Variants in SLC39A11 observed in about 807,000 individuals in gnomAD.
The protein encoded by SLC39A11 is solute carrier family 39 member 11, also known as zinc transporter ZIP11.
SLC39A11 carries 33 observed loss-of-function variants against 36.1 expected under a neutral mutation model. The observed-to-expected ratio is 0.91, with a 90% CI of 0.69 to 1.22. The LOEUF (loss-of-function observed/expected upper bound fraction) is 1.22. Among genes scored for constraint, SLC39A11 ranks in the 50% most tolerant of loss-of-function variants. The probability of loss-of-function intolerance (pLI) is 0.00; values close to 1 mark genes in which losing one functional copy is unlikely to be tolerated. For synonymous variants in SLC39A11, 166 were observed against 170.3 expected (o/e 0.97, Z 0.20); for missense variants, 432 against 430.3 (o/e 1.00, Z -0.03).
chr17:72,782,712 A>AAAC (rs2076362567), intron 6 of SLC39A11, among the ~76,000 whole-genome samples: 1 of 126,362 alleles, frequency 7.9e-6, no homozygotes, highest in Non-Finnish European at 1.7e-5. Context: ...AAAAAAAAAA[A>AAAC]AAAGCAGGCC....
chr17:72,825,534 A>G (rs752435539), intron 6 of SLC39A11, among the ~76,000 whole-genome samples: 1 of 152,206 alleles, frequency 6.6e-6, no homozygotes, highest in Non-Finnish European at 1.5e-5. Context: ...AGCTGTGAGA[A>G]GAGGTCACTG....
At chr17:72,689,166 G>A (rs1194611225) in intron 7 of SLC39A11, among the ~76,000 whole-genome samples, 4 of 152,180 alleles carry the variant, frequency 2.6e-5, no homozygotes, top group Admixed American at 1.3e-4. Context: ...TGGCTGGCCC[G>A]ATGCTCGACT....
rs1351830148 is a variant in SLC39A11, at chr17:72,646,059, T to C, written c.*1525A>G. ...CATACAAAGACATAAAAATAAAACA[T>C]ACATACACCAACCACCACACCAGTT... On this transcript the variant is annotated 3_prime_UTR_variant, in exon 10 of 10. Coordinates refer to ENST00000255559, the MANE Select transcript of SLC39A11 (RefSeq NM_139177.4). 2.0e-5 allele frequency: 3 copies of C among 152,642 alleles called. No homozygotes were observed. Among genetic ancestry groups the C allele is most frequent in the Non-Finnish European group, 4.4e-5 (3 of 68,046 alleles). 9.5% of individuals were successfully genotyped at this position (152,642 alleles called of 1,614,324 possible).
At chr17:72,838,259 T>A (rs2078657233) in intron 6 of SLC39A11, 2 of 355,642 alleles carry the variant, frequency 5.6e-6, no homozygotes, top group Admixed American at 4.7e-5. Flanking sequence ...GACAAGGTCT[T>A]GCTCTGTCAC....
At chr17:72,886,989 A>G (rs184428108) in intron 5 of SLC39A11, among the ~76,000 whole-genome samples, 1 of 152,298 alleles carries the variant, frequency 6.6e-6, no homozygotes. Flanking sequence ...TGCCTGATCT[A>G]AAATAACAGC....
intron 4 of SLC39A11, among the ~76,000 whole-genome samples, chr17:72,997,511 C>A (rs1273107892): frequency 1.3e-5 from 2 of 152,166 alleles, no homozygotes; most frequent in Non-Finnish European, 2.9e-5. Flanking sequence ...CCTCGGCCTC[C>A]CAAAGTGCTG....
At chr17:72,886,629 A>G (rs1229608927) in intron 5 of SLC39A11, among the ~76,000 whole-genome samples, 1 of 152,126 alleles carries the variant, frequency 6.6e-6, no homozygotes. Flanking sequence ...CCACCCAAAC[A>G]ATACTTTAGA....
At chr17:72,968,780 A>C (rs1265147581) in intron 4 of SLC39A11, among the ~76,000 whole-genome samples, 4 of 152,240 alleles carry the variant, frequency 2.6e-5, no homozygotes, top group Admixed American at 2.0e-4. Context: ...TTCTCGGCCA[A>C]GGAAGGTTCT....
At chr17:72,980,244 C>T (rs1188574529) in intron 4 of SLC39A11, among the ~76,000 whole-genome samples, 2 of 152,102 alleles carry the variant, frequency 1.3e-5, no homozygotes, top group African/African-American at 4.8e-5. Flanking sequence ...AATAGCTTTT[C>T]TATGCAAAAA....
At chr17:72,861,776 A>T (rs1365981626) in intron 5 of SLC39A11, among the ~76,000 whole-genome samples, 1 of 96,574 alleles carries the variant, frequency 1.0e-5, no homozygotes, top group Non-Finnish European at 2.0e-5. Flanking sequence ...ATATATATAT[A>T]TATATATCCA....
intron 5 of SLC39A11, among the ~76,000 whole-genome samples, chr17:72,882,451 T>C (rs1457871445): frequency 6.6e-6 from 1 of 151,534 alleles, no homozygotes; most frequent in African/African-American, 2.4e-5. Context: ...AGAGAAATGC[T>C]CAGAAAATCC....
chr17:72,867,040 AC>A (rs2080337904), intron 5 of SLC39A11, among the ~76,000 whole-genome samples: 1 of 152,228 alleles, frequency 6.6e-6, no homozygotes, highest in Non-Finnish European at 1.5e-5. Context: ...AAAAACAATA[AC>A]AATACTAGCA....
At chr17:72,745,864 G>A (rs1409723959) in intron 6 of SLC39A11, among the ~76,000 whole-genome samples, 2 of 152,142 alleles carry the variant, frequency 1.3e-5, no homozygotes, top group South Asian at 2.1e-4. Context: ...AAGACCCTGT[G>A]GAGGATTAAT....
chr17:73,081,854 A>G (rs1430921779), intron 3 of SLC39A11, among the ~76,000 whole-genome samples: 2 of 151,432 alleles, frequency 1.3e-5, no homozygotes, highest in African/African-American at 4.8e-5. Context: ...TCATTATTCT[A>G]TGTGAAGTAA....
intron 6 of SLC39A11, among the ~76,000 whole-genome samples, chr17:72,815,469 T>TAGC (rs2077552467): frequency 6.6e-6 from 1 of 151,440 alleles, no homozygotes; most frequent in Non-Finnish European, 1.5e-5. Flanking sequence ...AATACAAAAT[T>TAGC]AGCAGGTCAT....
rs77631244 is a variant in SLC39A11 at position 72,842,216 on chromosome 17, G to C, written c.601+7418C>G. ...CACAAACAGGTAATTGTAAGTCAGA[G>C]TGATAATTATGGTAACAGAAGATAA... On this transcript the variant is annotated intron_variant, in intron 6 of 9. Coordinates refer to ENST00000255559, the MANE Select transcript of SLC39A11 (RefSeq NM_139177.4). 3.2e-3 allele frequency among the ~76,000 whole-genome samples: 480 copies of C among 152,200 alleles called. 1 individual carries two copies. Among genetic ancestry groups the C allele is most frequent in the African/African-American group, 9.9e-3 (412 of 41,524 alleles).
chr17:72,713,613 C>G (rs2143367822), intron 7 of SLC39A11, among the ~76,000 whole-genome samples: 1 of 152,318 alleles, frequency 6.6e-6, no homozygotes, highest in Non-Finnish European at 1.5e-5. Flanking sequence ...TAATAGCCAA[C>G]TAGCTGTACA....
intron 3 of SLC39A11, among the ~76,000 whole-genome samples, chr17:73,043,069 A>G (rs2059162190): frequency 6.6e-6 from 1 of 152,196 alleles, no homozygotes; most frequent in Non-Finnish European, 1.5e-5. Context: ...ATATGATAGG[A>G]TAAATTAAGA....
At chr17:72,846,811 C>G (rs890413273) in intron 6 of SLC39A11, among the ~76,000 whole-genome samples, 4 of 152,178 alleles carry the variant, frequency 2.6e-5, no homozygotes, top group Middle Eastern at 3.2e-3. Flanking sequence ...GATCTTTACT[C>G]TTCCTCAATT....
Sources: allele counts gnomAD v4.1 joint callset (sites outside exome capture counted in the v4.1 genomes callset), GRCh38; gene constraint gnomAD v4.1.1; transcripts MANE v1.5; gene names NCBI Gene and HGNC (gene_info 2026-07-23, HGNC 2026-07-21).